The following LINGO1 variants were observed in gnomAD, a reference collection of about 807,000 sequenced individuals.
LINGO1 encodes the protein leucine rich repeat and Ig domain containing 1.
LINGO1 carries 11 observed loss-of-function variants against 37.3 expected under a neutral mutation model. The observed-to-expected ratio is 0.29, with a 90% confidence interval of 0.19 to 0.49. The LOEUF is 0.49. Ranked by LOEUF, LINGO1 falls within the 20% of genes least tolerant of loss-of-function variation. The pLI is 0.99. For synonymous variants in LINGO1, 387 were observed against 403.0 expected, an observed-to-expected ratio of 0.96 and a Z score of 0.48; for missense variants, 585 against 878.2, an observed-to-expected ratio of 0.67 and a Z score of 4.22.
intron 3 of LINGO1, among the ~76,000 whole-genome samples, chr15:77,659,066 G>C (rs2074930035): frequency 6.6e-6 from 1 of 152,216 alleles, no homozygotes; most frequent in Non-Finnish European, 1.5e-5. Flanking sequence ...GCAGTGGCTT[G>C]GGTGCCTGGA....
At chr15:77,732,996 C>G (rs1009762870) in intron 2 of LINGO1, among the ~76,000 whole-genome samples, 3 of 152,260 alleles carry the variant, frequency 2.0e-5, no homozygotes, top group African/African-American at 7.2e-5. Flanking sequence ...CTTCCCAGCT[C>G]TCCCCTGAAT....
intron 3 of LINGO1, among the ~76,000 whole-genome samples, chr15:77,669,428 G>A (rs374665594): frequency 2.0e-4 from 30 of 152,288 alleles, no homozygotes; most frequent in East Asian, 7.7e-4. Flanking sequence ...CTAGCCCATC[G>A]AGGTGTTTGT....
intron 2 of LINGO1, among the ~76,000 whole-genome samples, chr15:77,714,750 G>A (rs1273780341): frequency 6.6e-6 from 1 of 152,202 alleles, no homozygotes; most frequent in Non-Finnish European, 1.5e-5. Flanking sequence ...TTCCTCCCGC[G>A]ATAAGCCTGG....
upstream of LINGO1, chr15:77,696,503 CGA>C (rs2141263208): frequency 6.6e-6 from 1 of 152,500 alleles, no homozygotes; most frequent in Non-Finnish European, 1.5e-5. Context: ...AATACCCGCC[CGA>C]AGGCTGGCTG....
At chr15:77,708,069 T>C (rs1567538002) in intron 2 of LINGO1, among the ~76,000 whole-genome samples, 2 of 152,204 alleles carry the variant, frequency 1.3e-5, no homozygotes, top group African/African-American at 2.4e-5. Context: ...CAGTTCTTCC[T>C]GTGTAATGAG....
chr15:77,633,918 T>A (rs13329256), upstream of LINGO1, among the ~76,000 whole-genome samples: 24,078 of 152,150 alleles, frequency 0.16, 3,732 homozygotes, highest in African/African-American at 0.41. Flanking sequence ...TCCATCTCCT[T>A]GAAGCCAGAC....
chr15:77,772,917 T>C (rs2076600705), intron 1 of LINGO1, among the ~76,000 whole-genome samples: 1 of 152,182 alleles, frequency 6.6e-6, no homozygotes, highest in Non-Finnish European at 1.5e-5. Flanking sequence ...CTCTGGGGAC[T>C]GGGAGGCCAG....
upstream of LINGO1, among the ~76,000 whole-genome samples, chr15:77,633,619 G>T (rs890414808): frequency 2.6e-5 from 4 of 152,182 alleles, no homozygotes; most frequent in Admixed American, 1.3e-4. Flanking sequence ...AGCAGAGGGC[G>T]GCAGGCCTCT....
intron 3 of LINGO1, chr15:77,648,410 C>T (rs975479683): frequency 4.5e-5 from 7 of 154,088 alleles, no homozygotes; most frequent in African/African-American, 1.7e-4. Context: ...TGCACATGGC[C>T]ACTGTGTCAG....
At chr15:77,748,919 T>C (rs1252111945) in intron 1 of LINGO1, among the ~76,000 whole-genome samples, 2 of 97,678 alleles carry the variant, frequency 2.0e-5, no homozygotes, top group African/African-American at 6.1e-5. Context: ...CTTTTTTTTT[T>C]TTTTTTTTTT....
At chr15:77,641,063 C>CG (rs1441747333) in intron 3 of LINGO1, among the ~76,000 whole-genome samples, 2 of 152,138 alleles carry the variant, frequency 1.3e-5, no homozygotes, top group African/African-American at 4.8e-5. Flanking sequence ...GTCAGGTACA[C>CG]GGAAGGTAGA....
intron 1 of LINGO1, among the ~76,000 whole-genome samples, chr15:77,691,867 G>C (rs2075610027): frequency 6.6e-6 from 1 of 152,072 alleles, no homozygotes; most frequent in African/African-American, 2.4e-5. Context: ...GTGCAGGTGG[G>C]GGTTGGGTTG....
chr15:77,686,343 G>A (rs1282169775), intron 2 of LINGO1, among the ~76,000 whole-genome samples: 1 of 152,192 alleles, frequency 6.6e-6, no homozygotes, highest in Non-Finnish European at 1.5e-5. Context: ...CTCAGGCTAT[G>A]TTCACTCAGG....
intron 1 of LINGO1, among the ~76,000 whole-genome samples, chr15:77,740,809 C>A (rs1447961079): frequency 2.0e-5 from 3 of 152,194 alleles, no homozygotes; most frequent in Non-Finnish European, 2.9e-5. Flanking sequence ...GCTGCCCAAG[C>A]AGATCTCTAA....
At chr15:77,762,364 A>G (rs1355652771) in intron 1 of LINGO1, among the ~76,000 whole-genome samples, 3 of 152,252 alleles carry the variant, frequency 2.0e-5, no homozygotes, top group Admixed American at 2.0e-4. Flanking sequence ...TCATAGCTCC[A>G]GAGGAGCAGG....
chr15:77,742,046 G>A lies in LINGO1; in HGVS notation c.-256-6993C>T, dbSNP rs150524610. 2.5e-4 allele frequency among the ~76,000 whole-genome samples: 38 copies of A among 152,334 alleles called. 1 individual carries two copies. The East Asian group carries it at 7.1e-3, about 29-fold the overall frequency. ...TGCTGAGCATCACCCTCTGTGCCCA[G>A]GAGCTCCATGGACCCATCCAAGCAG... On this transcript the variant is annotated intron_variant, in intron 1 of 3. Coordinates refer to the LINGO1 transcript ENST00000561686.
chr15:77,693,652 A>G (rs2075642842), intron 1 of LINGO1, among the ~76,000 whole-genome samples: 1 of 152,232 alleles, frequency 6.6e-6, no homozygotes, highest in East Asian at 1.9e-4. Context: ...CAAGGGGATC[A>G]GGCCTGGGGC....
intron 1 of LINGO1, among the ~76,000 whole-genome samples, chr15:77,619,287 T>G (rs1315727003): frequency 1.3e-5 from 2 of 152,048 alleles, no homozygotes; most frequent in Admixed American, 1.3e-4. Flanking sequence ...AACATGCGCA[T>G]GAGTGAGTTT....
intron 1 of LINGO1, among the ~76,000 whole-genome samples, chr15:77,815,409 C>G (rs545775329): frequency 6.6e-6 from 1 of 152,096 alleles, no homozygotes; most frequent in Non-Finnish European, 1.5e-5. Context: ...AGGCCTCAAG[C>G]TCTTCCTCTA....
Sources: gnomAD v4.1 joint callset for allele counts (sites outside exome capture counted in the v4.1 genomes callset) on GRCh38, gnomAD v4.1.1 for gene constraint, MANE v1.5 for transcripts, NCBI Gene and HGNC (gene_info 2026-07-23, HGNC 2026-07-21) for gene names.